The following KNL1 variants were observed in gnomAD, a reference collection of about 807,000 sequenced individuals.
The protein encoded by KNL1 is kinetochore scaffold 1, also known as outer kinetochore KNL1 complex subunit KNL1.
KNL1 carries 66 observed loss-of-function variants against 201.3 expected under a neutral mutation model. That is an observed-to-expected ratio of 0.33 (90% CI 0.27 to 0.40). The LOEUF is 0.40. KNL1 is among the 10% of genes least tolerant of loss of function. The pLI, the probability that KNL1 is intolerant of heterozygous loss-of-function variation, is 1.00. For synonymous variants in KNL1, 895 were observed against 899.2 expected (o/e 1.00, Z 0.08); for missense variants, 2,815 against 2,690.5 (o/e 1.05, Z -1.02).
At chr15:40,656,953 T>C (rs1893751525) in intron 22 of KNL1, 89 bp from the exon 23 acceptor site, 1 of 552,752 alleles carries the variant, frequency 1.8e-6, no homozygotes, top group African/African-American at 1.9e-5. Flanking sequence ...AGAATATTTC[T>C]AGCTTATATA....
rs375780548 is a variant in KNL1, at chr15:40,657,489, C to T, written c.6713+16C>T. 7.1e-6 allele frequency: 9 copies of T among 1,259,068 alleles called. No homozygotes were observed. Among genetic ancestry groups the T allele is most frequent in the Non-Finnish European group, 1.0e-5 (9 of 857,942 alleles). The allele number at this position is 1,259,068 out of a possible 1,614,324, so 78.0% of individuals were successfully genotyped here. Reference sequence around the variant, plus strand: ...ATAATAATGAGTAAGTGTATTAGTTCCCAAGGACTGCCATGACAGAGTACT... The same window carrying T: ...ATAATAATGAGTAAGTGTATTAGTTTCCAAGGACTGCCATGACAGAGTACT... On this transcript the variant is annotated intron_variant, in intron 24 of 25. Transcript: ENST00000399668.
chr15:40,646,901 A>G, intron 16 of KNL1, 86 bp from the exon 17 acceptor site: 1 of 587,262 alleles, frequency 1.7e-6, no homozygotes, highest in South Asian at 1.8e-5. Flanking sequence ...TGTGATCATG[A>G]TAGAGCGATT....
Position 40,624,122 on chromosome 15 carries a change from C to T in KNL1, c.3858C>T (p.Asp1286=), listed in dbSNP as rs1892652013. ...QLNNRDRRNV[D]FTSSHATAVC... ...ATAATAGAGATAGAAGAAATGTGGA[C>T]TTTACAAGTAGTCATGCAACTGCTG... Residue 1286 remains aspartate (D), a synonymous_variant, in exon 10 of 26, where the codon GAC becomes GAT. Transcript: ENST00000399668. 6.2e-7 allele frequency: 1 copy of T among 1,613,958 alleles called. No individual in the cohort carries two copies. Among genetic ancestry groups the T allele is most frequent in the Non-Finnish European group, 8.5e-7 (1 of 1,179,904 alleles).
At chr15:40,594,934 A>G (rs1272462661) in intron 1 of KNL1, among the ~76,000 whole-genome samples, 9 of 152,270 alleles carry the variant, frequency 5.9e-5, no homozygotes, top group Admixed American at 5.9e-4. Flanking sequence ...AATGAAGTCA[A>G]TATTAGTACT....
chr15:40,595,731 A>C (rs1891601754), intron 1 of KNL1, among the ~76,000 whole-genome samples: 1 of 152,202 alleles, frequency 6.6e-6, no homozygotes, highest in African/African-American at 2.4e-5. Context: ...ACTATGGAGC[A>C]CTTGAAATGT....
intron 21 of KNL1, among the ~76,000 whole-genome samples, chr15:40,653,092 C>G (rs892691449): frequency 6.6e-6 from 1 of 152,142 alleles, no homozygotes; most frequent in East Asian, 1.9e-4. Context: ...TGTCCAGGTC[C>G]AAAATTAAAA....
rs763483167 is a variant in KNL1 at position 40,622,453 on chromosome 15, C to A, written c.2189C>A (p.Ser730Tyr). 1.5e-5 allele frequency: 24 copies of A among 1,613,808 alleles called. No individual in the cohort carries two copies. Among genetic ancestry groups the A allele is most frequent in the Non-Finnish European group, 1.9e-5 (23 of 1,179,914 alleles). ...HTVKSVLGQNSKLAEPLRKSL... is the reference protein window; with the variant it reads ...HTVKSVLGQNYKLAEPLRKSL... ...GTGAAATCTGTACTAGGCCAGAATT[C>A]TAAACTGGCTGAGCCACTGAGGAAA... The change falls in exon 10 of 26, where the codon TCT (serine) becomes TAT (tyrosine). Residue 730 changes from serine to tyrosine, a missense_variant. By Grantham distance (144) the Ser-to-Tyr change is moderately radical (BLOSUM62 -2). This residue lies in a region of KNL1 where 2,464 missense variants were observed against 2,291.7 expected (regional missense o/e 1.08). Coordinates refer to ENST00000399668, the MANE Select transcript of KNL1 (RefSeq NM_144508.5).
In KNL1 at chr15:40,621,888, GTAT is replaced by G; in HGVS notation, c.1625_1627del (p.Val542_Ser543delinsAla). The G allele has an allele frequency of 6.2e-7, 1 of 1,613,908 alleles. No homozygotes were observed. The highest frequency in any genetic ancestry group is 8.5e-7 in the Non-Finnish European group (1 of 1,179,862). On this transcript the variant is annotated inframe_deletion, in exon 10 of 26. Transcript: ENST00000399668. ...TGTAAATTGTAACTCAGTTCCTCAT[GTAT>G]CTAAGGAAAGAATACAGCAGAGCCT...
chr15:40,640,974 CAA>C lies in KNL1; in HGVS notation c.5746_5747del (p.Lys1916AspfsTer5). ...LMLSQYVYRPKIQIYREDCEA... is the reference protein window; with the variant it reads ...LMLSQYVYRPXIQIYREDCEA... The stretch of plus-strand genomic sequence containing the variant: ...TGTTAAGTCAATATGTTTACCGACC[CAA>C]GATACAGATTTATAGAGAAGATTGT... On this transcript the variant is annotated frameshift_variant, in exon 14 of 26. Coordinates refer to ENST00000399668, the MANE Select transcript of KNL1 (RefSeq NM_144508.5). LOFTEE classifies it high-confidence loss of function. 2 of 1,613,278 alleles carry C rather than the reference CAA, an allele frequency of 1.2e-6. No individual in the cohort carries two copies. The highest frequency in any genetic ancestry group is 1.7e-6 in the Non-Finnish European group (2 of 1,179,692).
chr15:40,626,367 C>A (rs1418709636), intron 10 of KNL1, among the ~76,000 whole-genome samples: 1 of 147,096 alleles, frequency 6.8e-6, no homozygotes, highest in Admixed American at 6.8e-5. Context: ...GATTGGGTTT[C>A]CCCATGTTGG....
At chr15:40,640,093 C>CTTTTTTTTTTTTTTTTTTTT (rs1893180630) in intron 13 of KNL1, among the ~76,000 whole-genome samples, 1 of 137,742 alleles carries the variant, frequency 7.3e-6, no homozygotes, top group African/African-American at 2.7e-5. Context: ...TTCTTTTTTT[C>CTTTTTTTTTTTTTTTTTTTT]TTTTCTTTTT....
intron 25 of KNL1, 137 bp from the exon 26 acceptor site, chr15:40,661,937 A>T: frequency 5.8e-6 from 3 of 513,438 alleles, no homozygotes; most frequent in Non-Finnish European, 7.1e-6. Flanking sequence ...GCTACTCGGG[A>T]GGCTGAGGCA....
At chr15:40,605,718 G>A (rs1891950057) in intron 3 of KNL1, among the ~76,000 whole-genome samples, 1 of 152,156 alleles carries the variant, frequency 6.6e-6, no homozygotes, top group Non-Finnish European at 1.5e-5. Flanking sequence ...CCAAAGCGCT[G>A]AGATTACAGG....
intron 10 of KNL1, among the ~76,000 whole-genome samples, chr15:40,626,568 T>C (rs1271523115): frequency 6.6e-6 from 1 of 151,998 alleles, no homozygotes; most frequent in Non-Finnish European, 1.5e-5. Context: ...TCATGGAGTT[T>C]ACATAATATT....
rs751088179 is a variant in KNL1 at position 40,659,414 on chromosome 15, A to G, written c.6789A>G (p.Pro2263=). The G allele has an allele frequency of 1.2e-6, 2 of 1,613,860 alleles. No homozygotes were observed. Among genetic ancestry groups the G allele is most frequent in the South Asian group, 1.1e-5 (1 of 91,082 alleles). ...EITLFLSAYY[P]SVPLPSTIQN... ...CTTTGTTTCTCTCAGCCTATTATCC[A>G]TCTGTACCATTACCTTCCACCATTC... is the stretch of plus-strand genomic sequence containing the variant. The change falls in exon 25 of 26, where the codon CCA becomes CCG. Residue 2263 remains proline, a synonymous_variant. Coordinates refer to ENST00000399668, the MANE Select transcript of KNL1 (RefSeq NM_144508.5).
At chr15:40,625,736 G>A (rs775188695) in intron 10 of KNL1, 96 bp downstream of exon 10, 12 of 892,366 alleles carry the variant, frequency 1.3e-5, no homozygotes, top group East Asian at 2.6e-5. Flanking sequence ...TCTTAGTCTC[G>A]GGTAGGCAGA....
chr15:40,626,038 A>G (rs1357372234), intron 10 of KNL1: 1 of 155,684 alleles, frequency 6.4e-6, no homozygotes, highest in Non-Finnish European at 1.4e-5. Flanking sequence ...ATATTTGGGG[A>G]GTAAAAAGCT....
At position 40,624,663 on chromosome 15, in the gene KNL1, CT is replaced by C; in HGVS notation, c.4400del (p.Leu1467ArgfsTer9). ...TAGTATCAATAAAGAAGAAGTAATA[CT>C]GTCTAAAGCTGGAAATAAGAGTTTA... is the stretch of plus-strand genomic sequence containing the variant. The part of the protein sequence containing the change: ...QSSINKEEVI[L>X]SKAGNKSLNI... On this transcript the variant is annotated frameshift_variant, in exon 10 of 26. Coordinates refer to ENST00000399668, the MANE Select transcript of KNL1 (RefSeq NM_144508.5). LOFTEE classifies it high-confidence loss of function. The C allele has an allele frequency of 6.2e-7, 1 of 1,612,902 alleles. No individual in the cohort carries two copies. Among genetic ancestry groups the C allele is most frequent in the Non-Finnish European group, 8.5e-7 (1 of 1,179,562 alleles).
At chr15:40,635,632 G>T (rs1893035717) in intron 13 of KNL1, among the ~76,000 whole-genome samples, 2 of 152,132 alleles carry the variant, frequency 1.3e-5, no homozygotes, top group South Asian at 2.1e-4. Flanking sequence ...GGGATTATAG[G>T]TGTAAGCCAC....
Sources: allele counts gnomAD v4.1 joint callset (sites outside exome capture counted in the v4.1 genomes callset), GRCh38; gene constraint gnomAD v4.1.1; regional missense constraint gnomAD v4.1.1; transcripts MANE v1.5; gene names NCBI Gene and HGNC (gene_info 2026-07-23, HGNC 2026-07-21).